The following ADGRL3 variants were observed in gnomAD, a reference collection of about 807,000 sequenced individuals.
The protein encoded by ADGRL3 is calcium-independent alpha-latrotoxin receptor 3.
A neutral mutation model predicts 153.5 loss-of-function variants in ADGRL3; 62 were observed. That is an observed-to-expected ratio of 0.40 (90% CI 0.33 to 0.50). ADGRL3 has a LOEUF of 0.50. Ranked by LOEUF, ADGRL3 falls within the 20% of genes least tolerant of loss-of-function variation. The pLI, the probability that ADGRL3 is intolerant of heterozygous loss-of-function variation, is 0.47. For synonymous variants in ADGRL3, 710 were observed against 672.5 expected (o/e 1.06, Z -0.86); for missense variants, 1,641 against 1,859.4 (o/e 0.88, Z 2.16).
At chr4:61,245,061 T>C (rs1756504745) in intron 1 of ADGRL3, among the ~76,000 whole-genome samples, 1 of 152,006 alleles carries the variant, frequency 6.6e-6, no homozygotes, top group African/African-American at 2.4e-5. Flanking sequence ...GGTTGGGCAG[T>C]AGGAAATGAG....
At chr4:61,221,278 T>G (rs1387761704) in intron 1 of ADGRL3, among the ~76,000 whole-genome samples, 1 of 152,178 alleles carries the variant, frequency 6.6e-6, no homozygotes, top group African/African-American at 2.4e-5. Flanking sequence ...AGTATAGTTT[T>G]CAAGAACATT....
intron 1 of ADGRL3, among the ~76,000 whole-genome samples, chr4:61,320,497 G>A (rs2095333167): frequency 6.6e-6 from 1 of 152,168 alleles, no homozygotes; most frequent in Non-Finnish European, 1.5e-5. Context: ...TCAGGTAAGA[G>A]TTGTTGTTTG....
intron 2 of ADGRL3, among the ~76,000 whole-genome samples, chr4:61,417,611 TG>T (rs201747880): frequency 1.3e-5 from 2 of 151,594 alleles, no homozygotes; most frequent in African/African-American, 2.4e-5. Flanking sequence ...TGATTTTTTT[TG>T]TATAGGGTTA....
chr4:61,776,061 C>T (rs1262870691), intron 8 of ADGRL3, among the ~76,000 whole-genome samples: 3 of 151,994 alleles, frequency 2.0e-5, no homozygotes, highest in African/African-American at 7.2e-5. Context: ...CCACCACACC[C>T]GGCTAATTTT....
chr4:61,419,827 T>C (rs1451595640), intron 2 of ADGRL3, among the ~76,000 whole-genome samples: 1 of 151,728 alleles, frequency 6.6e-6, no homozygotes, highest in African/African-American at 2.4e-5. Context: ...GGAGTTTTGC[T>C]CTCGTCACCT....
At chr4:61,240,419 A>G (rs1754460728) in intron 1 of ADGRL3, among the ~76,000 whole-genome samples, 1 of 152,088 alleles carries the variant, frequency 6.6e-6, no homozygotes, top group Admixed American at 6.6e-5. Context: ...TTCCAAAAGG[A>G]TCTTGCAAGA....
chr4:61,402,991 G>T (rs554330555), intron 2 of ADGRL3, among the ~76,000 whole-genome samples: 5 of 151,824 alleles, frequency 3.3e-5, no homozygotes, highest in African/African-American at 7.3e-5. Context: ...AGTTTCCAGC[G>T]TAGGCCCTCA....
Position 62,019,500 on chromosome 4 carries a change from T to C in ADGRL3, c.3396-9355T>C, listed in dbSNP as rs188438546. On this transcript the variant is annotated intron_variant, in intron 21 of 26. Coordinates refer to ENST00000683033, the MANE Select transcript of ADGRL3 (RefSeq NM_001387552.1). ...TTTGTGATGTAGCTTTTTATGTATT[T>C]ATAAAATTTGAATTATTATTTTGTT... is the stretch of plus-strand genomic sequence containing the variant. 7.0e-4 allele frequency among the ~76,000 whole-genome samples: 106 copies of C among 152,214 alleles called. 2 individuals are homozygous for C. In the South Asian group the frequency reaches 0.015, roughly 22 times the overall value.
At chr4:61,615,562 C>T (rs913987147) in intron 5 of ADGRL3, among the ~76,000 whole-genome samples, 1 of 141,530 alleles carries the variant, frequency 7.1e-6, no homozygotes, top group Non-Finnish European at 1.5e-5. Context: ...GAATTTTATA[C>T]GTCGGTTGGA....
At chr4:62,018,923 G>A (rs17082522) in intron 21 of ADGRL3, among the ~76,000 whole-genome samples, 4,857 of 152,190 alleles carry the variant, frequency 0.032, 260 homozygotes, top group African/African-American at 0.11. Flanking sequence ...ATGCAGCTGG[G>A]GTGTGGAAAC....
chr4:61,371,659 T>C (rs1441975395), intron 1 of ADGRL3, among the ~76,000 whole-genome samples: 5 of 152,178 alleles, frequency 3.3e-5, no homozygotes, highest in Non-Finnish European at 7.3e-5. Flanking sequence ...TGGCTACCCT[T>C]AACATTTTTT....
intron 9 of ADGRL3, among the ~76,000 whole-genome samples, chr4:61,858,069 G>A (rs1411941966): frequency 6.6e-6 from 1 of 152,186 alleles, no homozygotes; most frequent in Non-Finnish European, 1.5e-5. Context: ...AGGCCGCTTT[G>A]TGGGAAAAGA....
chr4:61,326,930 A>G (rs1387782210), intron 1 of ADGRL3, among the ~76,000 whole-genome samples: 1 of 151,980 alleles, frequency 6.6e-6, no homozygotes, highest in Non-Finnish European at 1.5e-5. Flanking sequence ...ATATAAATAT[A>G]TATTTAGACA....
chr4:61,466,410 T>C (rs1261582298), intron 2 of ADGRL3, among the ~76,000 whole-genome samples: 3 of 152,214 alleles, frequency 2.0e-5, no homozygotes, highest in Non-Finnish European at 2.9e-5. Flanking sequence ...TAGTATTTAA[T>C]ATAGGTACCA....
intron 1 of ADGRL3, among the ~76,000 whole-genome samples, chr4:61,253,785 AT>A (rs1051035124): frequency 1.4e-4 from 21 of 152,182 alleles, no homozygotes; most frequent in South Asian, 4.2e-4. Flanking sequence ...TTACAAATTT[AT>A]TTCTAGAATT....
chr4:61,529,013 G>C (rs1377977439), intron 4 of ADGRL3, among the ~76,000 whole-genome samples: 9 of 152,094 alleles, frequency 5.9e-5, no homozygotes, highest in African/African-American at 2.2e-4. Context: ...TCATAATGAT[G>C]CCATAATGGA....
intron 9 of ADGRL3, among the ~76,000 whole-genome samples, chr4:61,819,911 A>G (rs1247027013): frequency 6.6e-6 from 1 of 152,172 alleles, no homozygotes; most frequent in African/African-American, 2.4e-5. Flanking sequence ...ATATACATAT[A>G]TAAAATCACA....
At position 62,019,271 on chromosome 4, in the gene ADGRL3, G is replaced by A. The variant is rs114658113; in HGVS notation, c.3396-9584G>A. On this transcript the variant is annotated intron_variant, in intron 21 of 26. Coordinates refer to ENST00000683033, the MANE Select transcript of ADGRL3 (RefSeq NM_001387552.1). ...TTTAGGTAGAACTTATTTGCTAAGT[G>A]TTGTGGGGCTTGAGGCTTTCTTAGA... Among the ~76,000 whole-genome samples, 536 of 152,170 alleles carry A rather than the reference G, an allele frequency of 3.5e-3. 5 individuals are homozygous for A. Among genetic ancestry groups the A allele is most frequent in the African/African-American group, 0.012 (516 of 41,560 alleles).
intron 16 of ADGRL3, 61 bp downstream of exon 16, chr4:61,947,183 A>G: frequency 4.1e-6 from 5 of 1,228,110 alleles, no homozygotes; most frequent in Non-Finnish European, 5.9e-6. Context: ...AACACTGAAC[A>G]TTAAGTGTAT....
Sources: gnomAD v4.1 joint callset for allele counts (sites outside exome capture counted in the v4.1 genomes callset) on GRCh38, gnomAD v4.1.1 for gene constraint, MANE v1.5 for transcripts, NCBI Gene and HGNC (gene_info 2026-07-23, HGNC 2026-07-21) for gene names.